Variants in FBXW7 observed in about 807,000 individuals in gnomAD.
The protein encoded by FBXW7 is F-box and WD repeat domain containing 7.
In FBXW7, 11 loss-of-function variants were observed where a neutral mutation model predicts 86.3. The ratio of observed to expected loss-of-function variants is 0.13; its 90% CI spans 0.08 to 0.21. FBXW7 has a LOEUF of 0.21. FBXW7 is among the 10% of genes least tolerant of loss of function. The pLI, the probability that FBXW7 is intolerant of heterozygous loss-of-function variation, is 1.00. For synonymous variants in FBXW7, 313 were observed against 297.9 expected (o/e 1.05, Z -0.52); for missense variants, 488 against 847.4 (o/e 0.58, Z 5.27).
At chr4:152,510,995 G>A (rs1747909086) in intron 2 of FBXW7, among the ~76,000 whole-genome samples, 1 of 151,206 alleles carries the variant, frequency 6.6e-6, no homozygotes, top group African/African-American at 2.4e-5. Flanking sequence ...CCAGGCTAGA[G>A]TGCAGTGATC....
intron 2 of FBXW7, among the ~76,000 whole-genome samples, chr4:152,413,014 A>G (rs1326214767): frequency 1.3e-5 from 2 of 152,082 alleles, no homozygotes; most frequent in African/African-American, 4.8e-5. Context: ...CTATATGGAC[A>G]TCTTTGAAGT....
chr4:152,376,237 T>C (rs1734506437), intron 4 of FBXW7, among the ~76,000 whole-genome samples: 1 of 152,040 alleles, frequency 6.6e-6, no homozygotes, highest in South Asian at 2.1e-4. Context: ...TATATAGCCA[T>C]TGAACTCAGA....
At chr4:152,409,743 G>A (rs950923836) in intron 4 of FBXW7, among the ~76,000 whole-genome samples, 3 of 150,790 alleles carry the variant, frequency 2.0e-5, no homozygotes, top group Admixed American at 6.6e-5. Context: ...TACTGTACAT[G>A]TGTATATACA....
chr4:152,413,659 A>G (rs1214280539), intron 2 of FBXW7, among the ~76,000 whole-genome samples: 1 of 152,126 alleles, frequency 6.6e-6, no homozygotes, highest in Non-Finnish European at 1.5e-5. Flanking sequence ...TCGAATCACT[A>G]CAATACTCAA....
At chr4:152,333,840 G>C (rs1729808548) in intron 7 of FBXW7, among the ~76,000 whole-genome samples, 1 of 152,022 alleles carries the variant, frequency 6.6e-6, no homozygotes, top group African/African-American at 2.4e-5. Context: ...GATCACTTGA[G>C]GCCAGGAGTT....
intron 2 of FBXW7, among the ~76,000 whole-genome samples, chr4:152,533,752 T>C (rs904811119): frequency 2.6e-5 from 4 of 152,146 alleles, no homozygotes; most frequent in Non-Finnish European, 5.9e-5. Flanking sequence ...TGTCACATAA[T>C]ACACAGGCTA....
At chr4:152,512,939 G>A (rs1011771772) in intron 2 of FBXW7, among the ~76,000 whole-genome samples, 4 of 152,140 alleles carry the variant, frequency 2.6e-5, no homozygotes, top group East Asian at 1.9e-4. Flanking sequence ...TCGGCTCACC[G>A]CAACCTCCAC....
At chr4:152,484,745 T>C (rs1745194745) in intron 2 of FBXW7, among the ~76,000 whole-genome samples, 1 of 152,156 alleles carries the variant, frequency 6.6e-6, no homozygotes, top group African/African-American at 2.4e-5. Context: ...GTGGATCACC[T>C]GAGGTCAGGA....
intron 2 of FBXW7, among the ~76,000 whole-genome samples, chr4:152,519,642 C>T (rs1247214979): frequency 6.6e-6 from 1 of 152,202 alleles, no homozygotes; most frequent in Admixed American, 6.5e-5. Flanking sequence ...TAATGCAAAT[C>T]AATTCAAATG....
Position 152,347,088 on chromosome 4 carries a change from A to AGAG in FBXW7, c.585-18_585-17insCTC. On this transcript the variant is annotated splice_polypyrimidine_tract_variant and intron_variant, in intron 5 of 13. Transcript: ENST00000281708. ...CCAGTGGTACTACAAAAAAAAAAAA[A>AGAG]AGAGAGAGAGAAAGGATAAAAGGAA... 6.4e-7 allele frequency: 1 copy of AGAG among 1,558,568 alleles called. No homozygotes were observed. The highest frequency in any genetic ancestry group is 8.7e-7 in the Non-Finnish European group (1 of 1,151,190).
chr4:152,382,586 T>C, intron 4 of FBXW7: 1 of 786,626 alleles, frequency 1.3e-6, no homozygotes, highest in Non-Finnish European at 1.6e-6. Flanking sequence ...CTCCTGCTCC[T>C]GCCAGTCAAA....
intron 4 of FBXW7, among the ~76,000 whole-genome samples, chr4:152,378,744 T>C (rs757337509): frequency 1.3e-5 from 2 of 152,316 alleles, no homozygotes; most frequent in Middle Eastern, 3.4e-3. Flanking sequence ...GGTTCATGCC[T>C]GTAGTCCCAG....
intron 2 of FBXW7, among the ~76,000 whole-genome samples, chr4:152,477,190 C>A (rs1333435593): frequency 6.6e-6 from 1 of 152,062 alleles, no homozygotes; most frequent in East Asian, 1.9e-4. Context: ...TAACTGCTAG[C>A]TTGCAAGTAG....
intron 13 of FBXW7, chr4:152,323,952 T>C (rs1424786506): frequency 2.1e-5 from 10 of 471,156 alleles, no homozygotes; most frequent in East Asian, 7.4e-5. Context: ...GTAGAGTCAA[T>C]TGAACATGCA....
intron 2 of FBXW7, among the ~76,000 whole-genome samples, chr4:152,529,234 C>T (rs1379540845): frequency 6.6e-6 from 1 of 151,876 alleles, no homozygotes; most frequent in Non-Finnish European, 1.5e-5. Flanking sequence ...CTTGAAAAGA[C>T]AAAAATTAAA....
chr4:152,496,150 C>G (rs1486209420), intron 2 of FBXW7, among the ~76,000 whole-genome samples: 1 of 152,016 alleles, frequency 6.6e-6, no homozygotes. Context: ...GCACTCCAGC[C>G]TAGGTGTCAG....
In FBXW7 at chr4:152,507,132, T is replaced by C. The variant is rs545270056; in HGVS notation, c.-120+27809A>G. 7.2e-5 allele frequency among the ~76,000 whole-genome samples: 11 copies of C among 152,210 alleles called. 1 individual carries two copies. The South Asian group carries it at 1.9e-3, about 26-fold the overall frequency. On this transcript the variant is annotated intron_variant, in intron 2 of 13. Transcript: ENST00000281708. ...TATGCATGTATTAGAAATTAAATGA[T>C]CAGAAAAGACCGAAATATTTATAGA...
intron 4 of FBXW7, among the ~76,000 whole-genome samples, chr4:152,362,442 C>T (rs1332222114): frequency 6.6e-6 from 1 of 152,088 alleles, no homozygotes. Context: ...ATAAAGAAGA[C>T]ACACACATAT....
chr4:152,377,524 G>A (rs1734658180), intron 4 of FBXW7, among the ~76,000 whole-genome samples: 1 of 151,834 alleles, frequency 6.6e-6, no homozygotes, highest in African/African-American at 2.4e-5. Context: ...GACCGAGGCA[G>A]GTGGATCAAC....
Sources: gnomAD v4.1 joint callset for allele counts (sites outside exome capture counted in the v4.1 genomes callset) on GRCh38, gnomAD v4.1.1 for gene constraint, MANE v1.5 for transcripts, NCBI Gene and HGNC (gene_info 2026-07-23, HGNC 2026-07-21) for gene names.